Variants in RBSN observed in about 807,000 individuals in gnomAD.
The protein encoded by RBSN is rabenosyn, RAB effector.
A neutral mutation model predicts 60.5 loss-of-function variants in RBSN; 34 were observed. That is an observed-to-expected ratio of 0.56 (90% CI 0.43 to 0.75). The LOEUF (loss-of-function observed/expected upper bound fraction) is 0.75, where lower values mean the gene tolerates loss of function less well. Ranked by LOEUF, RBSN falls within the 30% of genes least tolerant of loss-of-function variation. RBSN has a pLI of 0.00. For synonymous variants in RBSN, 322 were observed against 366.9 expected, an observed-to-expected ratio of 0.88 and a Z score of 1.40; for missense variants, 845 against 986.8, an observed-to-expected ratio of 0.86 and a Z score of 1.92.
At chr3:15,081,822 A>G (rs2043212070) in intron 9 of RBSN, among the ~76,000 whole-genome samples, 1 of 152,110 alleles carries the variant, frequency 6.6e-6, no homozygotes, top group African/African-American at 2.4e-5. Flanking sequence ...ACTCCCAGAT[A>G]TTCTTTGCAC....
rs1039701305 is a variant in RBSN at position 15,071,329 on chromosome 3, T to C, written c.*2453A>G. ...GCAGCAATTAGCTTCTGGAACTACCTGCTTTTCAGTTCATCCTCTTTTCAG... is the reference window on the plus strand; with the variant it reads ...GCAGCAATTAGCTTCTGGAACTACCCGCTTTTCAGTTCATCCTCTTTTCAG... On this transcript the variant is annotated 3_prime_UTR_variant, in exon 14 of 14. Coordinates refer to ENST00000253699, the MANE Select transcript of RBSN (RefSeq NM_022340.4). 6.6e-6 allele frequency: 1 copy of C among 152,236 alleles called. No individual in the cohort carries two copies. The highest frequency in any genetic ancestry group is 1.9e-4 in the East Asian group (1 of 5,200). The allele number at this position is 152,236 out of a possible 1,614,324, so 9.4% of individuals were successfully genotyped here.
Position 15,077,671 on chromosome 3 carries a change from G to A in RBSN, c.998+404C>T, listed in dbSNP as rs1433138765. On this transcript the variant is annotated intron_variant, in intron 11 of 13. Transcript: ENST00000253699. This position sits in a 1 kb window ranked among gnomAD's most constrained non-coding sequence, Gnocchi z 4.4. ...AGTTAAAAAGCAGCTGTGGACTTGA[G>A]CACAGACACAAAGAAAGAACCTGAG... Among the ~76,000 whole-genome samples the A allele has an allele frequency of 6.6e-6, 1 of 152,138 alleles. No homozygotes were observed. The highest frequency in any genetic ancestry group is 1.5e-5 in the Non-Finnish European group (1 of 68,038).
Position 15,074,035 on chromosome 3 carries a change from A to C in RBSN, c.2102T>G (p.Leu701Arg). Residue 701 changes from leucine (L) to arginine (R), a missense_variant, in exon 14 of 14, where the codon CTC becomes CGC. Physicochemically the swap from Leu to Arg is moderately radical, Grantham distance 102. Transcript: ENST00000253699. This position sits in a 1 kb window ranked among gnomAD's most constrained non-coding sequence, Gnocchi z 6.4. ...SEEDEHPQQR[L>R]SSPLVPGNPF... ...GTTACCAGGAACCAGAGGGCTTGAG[A>C]GCCTCTGCTGGGGATGTTCGTCTTC... 1 of 1,613,984 alleles carries C rather than the reference A, an allele frequency of 6.2e-7. No individual in the cohort carries two copies. The highest frequency in any genetic ancestry group is 8.5e-7 in the Non-Finnish European group (1 of 1,180,006).
chr3:15,084,850 A>G lies in RBSN; in HGVS notation c.483T>C (p.Pro161=). The G allele has an allele frequency of 6.2e-7, 1 of 1,614,158 alleles. No individual in the cohort carries two copies. The highest frequency in any genetic ancestry group is 8.5e-7 in the Non-Finnish European group (1 of 1,180,006). Residue 161 remains proline (P), a synonymous_variant, in exon 8 of 14, where the codon CCT becomes CCC. Coordinates refer to ENST00000253699, the MANE Select transcript of RBSN (RefSeq NM_022340.4). The surrounding 1 kb of genome is among the most constrained non-coding windows in gnomAD (Gnocchi z 4.2). ...VVPWVNDQDV[P]FCPDCGNKFS... ...ACTTATTCCCACAGTCTGGACAGAA[A>G]GGGACATCCTGGTCGTTGACCCAAG... is the stretch of plus-strand genomic sequence containing the variant.
At chr3:15,097,387 C>T (rs1289075835) in intron 2 of RBSN, among the ~76,000 whole-genome samples, 2 of 151,966 alleles carry the variant, frequency 1.3e-5, no homozygotes, top group African/African-American at 2.4e-5. Context: ...TGGTGGTAGG[C>T]GCCTGTAATC....
Position 15,074,105 on chromosome 3 carries a change from G to T in RBSN, c.2032C>A (p.Pro678Thr). The change falls in exon 14 of 14, where the codon CCA becomes ACA. Residue 678 changes from proline to threonine, a missense_variant. By Grantham distance (38) the Pro-to-Thr change is conservative (BLOSUM62 -1). Coordinates refer to ENST00000253699, the MANE Select transcript of RBSN (RefSeq NM_022340.4). This position sits in a 1 kb window ranked among gnomAD's most constrained non-coding sequence, Gnocchi z 6.4. ...GCTGGGCTGTCTGGCTGAATGAATG[G>T]ATTCCCTGCCACTGCTTCCTCCTCC... ...DEEEEAVAGN[P>T]FIQPDSPAPN... The T allele has an allele frequency of 6.2e-7, 1 of 1,614,062 alleles. No individual in the cohort carries two copies. Among genetic ancestry groups the T allele is most frequent in the Non-Finnish European group, 8.5e-7 (1 of 1,180,018 alleles).
chr3:15,082,396 G>GGT lies in RBSN; in HGVS notation c.810_811insAC (p.His271ThrfsTer7). The GGT allele has an allele frequency of 6.2e-7, 1 of 1,613,652 alleles. No individual in the cohort carries two copies. The highest frequency in any genetic ancestry group is 1.7e-5 in the Admixed American group (1 of 59,992). On this transcript the variant is annotated frameshift_variant, in exon 9 of 14. Transcript: ENST00000253699. LOFTEE classifies it high-confidence loss of function. This position sits in a 1 kb window ranked among gnomAD's most constrained non-coding sequence, Gnocchi z 4.2. ...TAGAGCTTCACGATGTCAGGTGTGTGCTCCTTCTCATCAATCTGCTGCTCT... is the reference window on the plus strand; with the variant it reads ...TAGAGCTTCACGATGTCAGGTGTGTGGTCTCCTTCTCATCAATCTGCTGCTCT...
At chr3:15,076,251 C>T (rs1318398383) in intron 12 of RBSN, among the ~76,000 whole-genome samples, 1 of 152,042 alleles carries the variant, frequency 6.6e-6, no homozygotes, top group Non-Finnish European at 1.5e-5. Context: ...TGAGGAAGGG[C>T]CTACTTCTCT....
rs1398892965 is a variant in RBSN, at chr3:15,070,084, A to G, written c.*3698T>C. The G allele has an allele frequency of 6.6e-6, 1 of 151,318 alleles. No homozygotes were observed. Among genetic ancestry groups the G allele is most frequent in the Non-Finnish European group, 1.5e-5 (1 of 67,372 alleles). The allele number at this position is 151,318 out of a possible 1,614,324, so 9.4% of individuals were successfully genotyped here. ...CACACACCCCCAACCTCTATCTCAG[A>G]TTTTATTTTTTTTAAAAAAGGCTCC... On this transcript the variant is annotated 3_prime_UTR_variant, in exon 14 of 14. Transcript: ENST00000253699.
At chr3:15,091,143 G>A (rs781571724) in intron 4 of RBSN, among the ~76,000 whole-genome samples, 18 of 137,754 alleles carry the variant, frequency 1.3e-4, no homozygotes, top group Admixed American at 9.0e-4. Context: ...CCAGGAGGTC[G>A]AGGCTGCAGT....
intron 4 of RBSN, among the ~76,000 whole-genome samples, chr3:15,090,831 G>T (rs1559351922): frequency 6.6e-6 from 1 of 152,132 alleles, no homozygotes; most frequent in Non-Finnish European, 1.5e-5. Flanking sequence ...AAATAAAAGT[G>T]CTAAAATCAA....
rs200359464 is a variant in RBSN at position 15,074,655 on chromosome 3, G to A, written c.1482C>T (p.Asp494=). Residue 494 remains aspartate, a synonymous_variant, in exon 14 of 14, where the codon GAC becomes GAT. Coordinates refer to ENST00000253699, the MANE Select transcript of RBSN (RefSeq NM_022340.4). This position sits in a 1 kb window ranked among gnomAD's most constrained non-coding sequence, Gnocchi z 6.4. ...TLQENLRQLQ[D]EYDQQQTEKA... The stretch of plus-strand genomic sequence containing the variant: ...TCTCTGTCTGCTGCTGGTCATACTC[G>A]TCCTGCAGCTGCCGCAGGTTCTCCT... 1.7e-4 allele frequency: 279 copies of A among 1,614,126 alleles called. No homozygotes were observed. Among genetic ancestry groups the A allele is most frequent in the Non-Finnish European group, 2.1e-4 (252 of 1,180,050 alleles).
intron 4 of RBSN, among the ~76,000 whole-genome samples, chr3:15,094,094 A>C (rs1187782479): frequency 6.6e-6 from 1 of 152,148 alleles, no homozygotes; most frequent in Non-Finnish European, 1.5e-5. Context: ...TATTCTCTAA[A>C]TAACCTTAAA....
intron 5 of RBSN, among the ~76,000 whole-genome samples, chr3:15,089,472 A>AAC (rs2043443983): frequency 9.1e-6 from 1 of 110,216 alleles, no homozygotes; most frequent in Non-Finnish European, 1.7e-5. Context: ...AAAAAAAAAA[A>AAC]AAAAACAAAA....
Position 15,074,479 on chromosome 3 carries a change from T to C in RBSN, c.1658A>G (p.Glu553Gly). The C allele has an allele frequency of 1.9e-6, 3 of 1,614,196 alleles. No homozygotes were observed. The highest frequency in any genetic ancestry group is 2.5e-6 in the Non-Finnish European group (3 of 1,180,020). The change falls in exon 14 of 14, where the codon GAA becomes GGA. Residue 553 changes from glutamate to glycine, a missense_variant. Physicochemically the swap from Glu to Gly is moderately conservative, Grantham distance 98 (BLOSUM62 -2). Transcript: ENST00000253699. The surrounding 1 kb of genome is among the most constrained non-coding windows in gnomAD (Gnocchi z 6.4). Reference protein sequence around the residue: ...HTRTRSLDFREIGPFQLEPSR... With the variant: ...HTRTRSLDFRGIGPFQLEPSR... ...GGGCTCCAGCTGAAAAGGGCCGATTTCTCTGAAGTCCAGGGACCGAGTCCG... is the reference window on the plus strand; with the variant it reads ...GGGCTCCAGCTGAAAAGGGCCGATTCCTCTGAAGTCCAGGGACCGAGTCCG...
chr3:15,074,328 G>C lies in RBSN; in HGVS notation c.1809C>G (p.Pro603=). 2 of 1,614,156 alleles carry C rather than the reference G, an allele frequency of 1.2e-6. No homozygotes were observed. The highest frequency in any genetic ancestry group is 1.7e-6 in the Non-Finnish European group (2 of 1,180,034). The part of the protein sequence containing the change: ...STQPTRVWSG[P]PAVGQERLPQ... ...GTAAGCGCTCCTGGCCAACGGCTGG[G>C]GGCCCAGACCACACTCTGGTGGGTT... Residue 603 remains proline (P), a synonymous_variant, in exon 14 of 14, where the codon CCC becomes CCG. Coordinates refer to ENST00000253699, the MANE Select transcript of RBSN (RefSeq NM_022340.4). The surrounding 1 kb of genome is among the most constrained non-coding windows in gnomAD (Gnocchi z 6.4).
intron 5 of RBSN, among the ~76,000 whole-genome samples, chr3:15,087,660 C>T (rs2043384171): frequency 6.6e-6 from 1 of 152,170 alleles, no homozygotes; most frequent in African/African-American, 2.4e-5. Flanking sequence ...GCTCTGTCGC[C>T]CAGACTGGAA....
At chr3:15,075,281 T>G in intron 13 of RBSN, 1 of 604,442 alleles carries the variant, frequency 1.7e-6, no homozygotes, top group South Asian at 1.6e-5. Context: ...TGTTTAATAT[T>G]GCATATACCG....
chr3:15,098,533 A>G (rs2043735949), intron 1 of RBSN, among the ~76,000 whole-genome samples: 1 of 142,298 alleles, frequency 7.0e-6, no homozygotes, highest in African/African-American at 2.6e-5. Flanking sequence ...TCACCCCGCC[A>G]CATGCCGCAT....
Sources: allele counts gnomAD v4.1 joint callset (sites outside exome capture counted in the v4.1 genomes callset), GRCh38; gene constraint gnomAD v4.1.1; non-coding constraint Gnocchi (gnomAD v3.1); transcripts MANE v1.5; gene names NCBI Gene and HGNC (gene_info 2026-07-23, HGNC 2026-07-21).